The following FBXO36 variants were observed in gnomAD, a reference collection of about 807,000 sequenced individuals.
FBXO36 encodes the protein F-box protein 36.
FBXO36 carries 18 observed loss-of-function variants against 17.0 expected under a neutral mutation model. The observed-to-expected ratio is 1.06, with a 90% CI of 0.73 to 1.57. The LOEUF (loss-of-function observed/expected upper bound fraction) is 1.57, where lower values mean the gene tolerates loss of function less well. Among genes scored for constraint, FBXO36 ranks in the 40% most tolerant of loss-of-function variants. The pLI is 0.00. For missense variants in FBXO36, 229 were observed against 221.9 expected (o/e 1.03, Z -0.20); for synonymous variants, 83 against 85.3 (o/e 0.97, Z 0.15).
intron 1 of FBXO36, among the ~76,000 whole-genome samples, chr2:229,972,736 CT>C (rs2077187100): frequency 6.6e-6 from 1 of 152,044 alleles, no homozygotes; most frequent in Admixed American, 6.6e-5. Flanking sequence ...GATTTTTTTA[CT>C]GTCATAATTC....
chr2:229,954,536 C>T (rs1367067455), intron 1 of FBXO36, among the ~76,000 whole-genome samples: 2 of 147,070 alleles, frequency 1.4e-5, no homozygotes, highest in African/African-American at 4.9e-5. Flanking sequence ...AGCCACTGCA[C>T]CCGGCCTTTT....
At chr2:229,935,799 G>T (rs1280275051) in intron 1 of FBXO36, among the ~76,000 whole-genome samples, 1 of 152,174 alleles carries the variant, frequency 6.6e-6, no homozygotes, top group African/African-American at 2.4e-5. Flanking sequence ...AGTATCTTCT[G>T]TGTATCAAGT....
intron 3 of FBXO36, 48 bp downstream of exon 3, chr2:229,996,971 C>A (rs781178212): frequency 1.3e-6 from 2 of 1,561,052 alleles, no homozygotes; most frequent in South Asian, 2.4e-5. Flanking sequence ...CATGTGCTTT[C>A]TAAAAAAAAT....
chr2:229,998,913 C>T (rs1163170788), intron 3 of FBXO36, among the ~76,000 whole-genome samples: 1 of 150,780 alleles, frequency 6.6e-6, no homozygotes, highest in Non-Finnish European at 1.5e-5. Flanking sequence ...CGCCATTCTC[C>T]TGCCTCAGCC....
chr2:229,956,058 G>A (rs1387173664), intron 1 of FBXO36, among the ~76,000 whole-genome samples: 2 of 152,166 alleles, frequency 1.3e-5, no homozygotes, highest in Non-Finnish European at 2.9e-5. Flanking sequence ...AAAGCACTCT[G>A]TACATGTCAC....
At chr2:229,964,937 T>G (rs891616079) in intron 1 of FBXO36, among the ~76,000 whole-genome samples, 2 of 152,232 alleles carry the variant, frequency 1.3e-5, no homozygotes, top group Non-Finnish European at 2.9e-5. Flanking sequence ...TGAACTAAGC[T>G]GCTTTAAACA....
chr2:229,979,852 G>C (rs1009172479), intron 2 of FBXO36, among the ~76,000 whole-genome samples: 2 of 151,312 alleles, frequency 1.3e-5, no homozygotes, highest in African/African-American at 4.9e-5. Flanking sequence ...TAATGAAAAA[G>C]AGAAGAAAAT....
chr2:229,950,185 T>C (rs1194363545), intron 1 of FBXO36, among the ~76,000 whole-genome samples: 2 of 151,986 alleles, frequency 1.3e-5, no homozygotes, highest in Non-Finnish European at 2.9e-5. Flanking sequence ...CCCAGCACTT[T>C]GGGAGCCTGA....
chr2:230,001,756 G>A (rs538409906), intron 3 of FBXO36, among the ~76,000 whole-genome samples: 3 of 152,126 alleles, frequency 2.0e-5, no homozygotes, highest in African/African-American at 4.8e-5. Flanking sequence ...TACCTGACAC[G>A]TGGTTCCAGG....
At chr2:229,983,136 G>A (rs2077249585) in intron 2 of FBXO36, among the ~76,000 whole-genome samples, 1 of 151,950 alleles carries the variant, frequency 6.6e-6, no homozygotes, top group African/African-American at 2.4e-5. Context: ...AGCACTTTGG[G>A]AAGCCAAGGT....
At chr2:229,993,114 A>C (rs2077306193) in intron 2 of FBXO36, among the ~76,000 whole-genome samples, 1 of 152,194 alleles carries the variant, frequency 6.6e-6, no homozygotes, top group Admixed American at 6.5e-5. Context: ...TTATGAGACA[A>C]AGAAGAAAAT....
rs71049605 is a variant in FBXO36, at chr2:229,950,752, C to CTT, written c.97-25468_97-25467dup. Among the ~76,000 whole-genome samples the CTT allele has an allele frequency of 1.6e-3, 118 of 75,054 alleles. 3 individuals carry two copies. Among genetic ancestry groups the CTT allele is most frequent in the African/African-American group, 5.2e-3 (110 of 21,326 alleles). 49.2% of individuals were successfully genotyped at this position (75,054 alleles called of 152,430 possible). ...GGTTAACACAGGTTACTTCAGGCTA[C>CTT]TTTTTTTTTTTTTTTTTTTTTTGAG... On this transcript the variant is annotated intron_variant, in intron 1 of 3. Transcript: ENST00000283946.
intron 1 of FBXO36, among the ~76,000 whole-genome samples, chr2:229,925,595 T>C (rs955823712): frequency 7.9e-5 from 12 of 152,322 alleles, no homozygotes; most frequent in South Asian, 4.1e-4. Context: ...GCCCCAGATT[T>C]AGATGAATCC....
chr2:229,981,579 G>A (rs1012476490), intron 2 of FBXO36, among the ~76,000 whole-genome samples: 2 of 151,706 alleles, frequency 1.3e-5, no homozygotes, highest in African/African-American at 4.8e-5. Context: ...GGTGGTGCCT[G>A]CCTGCCCAGT....
At chr2:229,977,584 G>A (rs1240921308) in intron 2 of FBXO36, among the ~76,000 whole-genome samples, 1 of 152,034 alleles carries the variant, frequency 6.6e-6, no homozygotes, top group Non-Finnish European at 1.5e-5. Context: ...CCGAGTAGCT[G>A]GGATTACGGG....
intron 2 of FBXO36, among the ~76,000 whole-genome samples, chr2:229,978,997 T>A (rs895709194): frequency 9.9e-5 from 15 of 151,540 alleles, no homozygotes; most frequent in African/African-American, 3.6e-4. Flanking sequence ...GCCAACATGG[T>A]GAAACCCCGT....
At chr2:229,926,169 C>G (rs1376456862) in intron 1 of FBXO36, among the ~76,000 whole-genome samples, 1 of 149,426 alleles carries the variant, frequency 6.7e-6, no homozygotes, top group African/African-American at 2.5e-5. Context: ...ACAGCTCATG[C>G]CTGTAATCTC....
At chr2:229,976,917 G>A (rs980189942) in intron 2 of FBXO36, 4 of 152,132 alleles carry the variant, frequency 2.6e-5, no homozygotes, top group African/African-American at 7.2e-5. Flanking sequence ...GAATTGGGCA[G>A]TGGCAAACAA....
intron 2 of FBXO36, chr2:229,976,575 C>T: frequency 5.6e-6 from 2 of 356,510 alleles, no homozygotes; most frequent in Admixed American, 4.3e-5. Flanking sequence ...AATCCCAACA[C>T]TTTGGGAGGC....
Sources: allele counts gnomAD v4.1 joint callset (sites outside exome capture counted in the v4.1 genomes callset), GRCh38; gene constraint gnomAD v4.1.1; transcripts MANE v1.5; gene names NCBI Gene and HGNC (gene_info 2026-07-23, HGNC 2026-07-21).